The following ELAPOR2 variants were observed in gnomAD, a reference collection of about 807,000 sequenced individuals.
The protein encoded by ELAPOR2 is endosome/lysosome-associated apoptosis and autophagy regulator family member 2.
Under a neutral mutation model 120.7 loss-of-function variants are expected in ELAPOR2, and 89 were observed. The ratio of observed to expected loss-of-function variants is 0.74; its 90% confidence interval spans 0.62 to 0.88. The LOEUF (loss-of-function observed/expected upper bound fraction) is 0.88. ELAPOR2 is among the 40% of genes least tolerant of loss of function. The pLI, the probability that ELAPOR2 is intolerant of heterozygous loss-of-function variation, is 0.00. For synonymous variants in ELAPOR2, 444 were observed against 444.9 expected (o/e 1.00, Z 0.03); for missense variants, 1,134 against 1,251.6 (o/e 0.91, Z 1.42).
At chr7:86,924,438 A>G (rs1337012250) in intron 10 of ELAPOR2, among the ~76,000 whole-genome samples, 1 of 151,170 alleles carries the variant, frequency 6.6e-6, no homozygotes, top group African/African-American at 2.4e-5. Context: ...GAGTTATTCT[A>G]TACCCTTGCC....
At chr7:86,904,602 T>C (rs919013845) in intron 18 of ELAPOR2, among the ~76,000 whole-genome samples, 12 of 152,200 alleles carry the variant, frequency 7.9e-5, no homozygotes, top group African/African-American at 2.9e-4. Context: ...GCCAACTACA[T>C]TTGCCAGACC....
Position 86,938,134 on chromosome 7 carries a change from C to T in ELAPOR2, c.1081G>A (p.Glu361Lys). The change falls in exon 8 of 22, where the codon GAA becomes AAA. Residue 361 changes from glutamate to lysine, a missense_variant. Physicochemically the swap from Glu to Lys is moderately conservative, Grantham distance 56 (BLOSUM62 1). Transcript: ENST00000450689. ...YFQIHTPCDE[E>K]GKTQIMYKWI... ...TGCAACACTGCTGGTACCTTTCCTT[C>T]TTCATCACATGGAGTATGGATCTGG... 1 of 1,550,264 alleles carries T rather than the reference C, an allele frequency of 6.5e-7. No homozygotes were observed. Among genetic ancestry groups the T allele is most frequent in the Non-Finnish European group, 8.7e-7 (1 of 1,145,626 alleles).
intron 1 of ELAPOR2, among the ~76,000 whole-genome samples, chr7:87,023,716 T>C (rs1303589139): frequency 2.0e-5 from 3 of 152,206 alleles, no homozygotes; most frequent in African/African-American, 7.2e-5. Flanking sequence ...GTTCTTCCAT[T>C]TGTTTGTATC....
chr7:87,009,453 G>T (rs1330331170), intron 1 of ELAPOR2, among the ~76,000 whole-genome samples: 1 of 152,196 alleles, frequency 6.6e-6, no homozygotes, highest in Admixed American at 6.5e-5. Flanking sequence ...CTTGGGAATA[G>T]AGAGTAAGAG....
intron 1 of ELAPOR2, among the ~76,000 whole-genome samples, chr7:87,001,971 T>C (rs1409069435): frequency 2.6e-5 from 4 of 152,160 alleles, no homozygotes; most frequent in Middle Eastern, 3.2e-3. Context: ...CTTAATGGTG[T>C]AAAATGTGAT....
At chr7:87,042,354 C>A (rs966059669) in intron 1 of ELAPOR2, among the ~76,000 whole-genome samples, 1 of 149,766 alleles carries the variant, frequency 6.7e-6, no homozygotes, top group South Asian at 2.1e-4. Flanking sequence ...TGACCACATA[C>A]TTGGAAGTAA....
chr7:87,019,547 G>T (rs965104838), intron 1 of ELAPOR2, among the ~76,000 whole-genome samples: 5 of 152,106 alleles, frequency 3.3e-5, no homozygotes, highest in African/African-American at 1.2e-4. Context: ...TTCACAAAAG[G>T]AAGAAAACAG....
chr7:86,902,466 G>A (rs1788771032), intron 18 of ELAPOR2, among the ~76,000 whole-genome samples: 1 of 152,152 alleles, frequency 6.6e-6, no homozygotes, highest in Non-Finnish European at 1.5e-5. Flanking sequence ...GTAAGCCACT[G>A]CGCCAGGCCT....
intron 1 of ELAPOR2, among the ~76,000 whole-genome samples, chr7:87,051,058 C>T (rs1203910023): frequency 6.6e-6 from 1 of 152,104 alleles, no homozygotes; most frequent in African/African-American, 2.4e-5. Context: ...GATAGGATTC[C>T]AGGGGATGGT....
At chr7:86,949,736 C>T (rs1791162169) in intron 2 of ELAPOR2, among the ~76,000 whole-genome samples, 1 of 152,206 alleles carries the variant, frequency 6.6e-6, no homozygotes, top group Non-Finnish European at 1.5e-5. Flanking sequence ...GCTAACATAC[C>T]AGCTTCCTGC....
At chr7:86,946,156 TTC>T (rs1042901617) in intron 3 of ELAPOR2, among the ~76,000 whole-genome samples, 30 of 103,560 alleles carry the variant, frequency 2.9e-4, no homozygotes, top group African/African-American at 1.7e-3. Flanking sequence ...GGGATACCAT[TTC>T]TCACACACAC....
chr7:87,010,217 T>C (rs1277762398), intron 1 of ELAPOR2, among the ~76,000 whole-genome samples: 3 of 152,182 alleles, frequency 2.0e-5, no homozygotes, highest in Non-Finnish European at 4.4e-5. Context: ...TTCTTAATAC[T>C]CTCCACCCAC....
intron 17 of ELAPOR2, among the ~76,000 whole-genome samples, chr7:86,908,057 A>G (rs1407470420): frequency 2.6e-5 from 4 of 151,790 alleles, no homozygotes; most frequent in African/African-American, 4.8e-5. Context: ...AACAAAGACC[A>G]TGTCTACTTA....
chr7:86,913,123 G>T lies in ELAPOR2; in HGVS notation c.1813C>A (p.Arg605Ser). 6.2e-7 allele frequency: 1 copy of T among 1,614,004 alleles called. No homozygotes were observed. Among genetic ancestry groups the T allele is most frequent in the East Asian group, 2.2e-5 (1 of 44,828 alleles). The change falls in exon 14 of 22, where the codon CGT becomes AGT. Residue 605 changes from arginine (R) to serine (S), a missense_variant. Arg to Ser is a moderately radical substitution (Grantham distance 110). Transcript: ENST00000450689. Reference protein sequence around the residue: ...NAVDGVASSCRACALGSEQSG... With the variant: ...NAVDGVASSCSACALGSEQSG... ...TGTTCAGAACCGAGGGCACAGGCAC[G>T]GCATGAGGACGCCACCCCATCAACT... is the stretch of plus-strand genomic sequence containing the variant.
At chr7:87,056,227 C>T (rs977322531) in intron 1 of ELAPOR2, among the ~76,000 whole-genome samples, 18 of 152,172 alleles carry the variant, frequency 1.2e-4, no homozygotes, top group African/African-American at 4.1e-4. Flanking sequence ...CAATAATCAG[C>T]CCTCATATTT....
At chr7:86,943,848 G>A (rs1790896446) in intron 4 of ELAPOR2, among the ~76,000 whole-genome samples, 1 of 151,990 alleles carries the variant, frequency 6.6e-6, no homozygotes, top group East Asian at 1.9e-4. Flanking sequence ...AAAGATATTA[G>A]TACTAGGAGA....
chr7:86,974,739 A>G (rs1157543631), intron 1 of ELAPOR2, among the ~76,000 whole-genome samples: 2 of 152,054 alleles, frequency 1.3e-5, no homozygotes, highest in African/African-American at 2.4e-5. Context: ...TACAGTTAAA[A>G]TATATTTATT....
chr7:87,022,017 A>C (rs750506905), intron 1 of ELAPOR2, among the ~76,000 whole-genome samples: 11 of 152,178 alleles, frequency 7.2e-5, no homozygotes, highest in South Asian at 4.1e-4. Flanking sequence ...CAAATGAGTA[A>C]ATAAGGCCTC....
intron 1 of ELAPOR2, among the ~76,000 whole-genome samples, chr7:87,029,205 C>T (rs746872847): frequency 2.6e-5 from 4 of 152,022 alleles, no homozygotes; most frequent in African/African-American, 4.8e-5. Flanking sequence ...GATGTGTTCC[C>T]GGTAACTAGG....
Sources: allele counts gnomAD v4.1 joint callset (sites outside exome capture counted in the v4.1 genomes callset), GRCh38; gene constraint gnomAD v4.1.1; transcripts MANE v1.5; gene names NCBI Gene and HGNC (gene_info 2026-07-23, HGNC 2026-07-21).